The following GRM3 variants were observed in gnomAD, a reference collection of about 807,000 sequenced individuals.
GRM3 encodes the protein metabotropic glutamate receptor 3.
GRM3 carries 26 observed loss-of-function variants against 70.5 expected under a neutral mutation model. That is an observed-to-expected ratio of 0.37 (90% CI 0.27 to 0.51). GRM3 has a LOEUF of 0.51. Among genes scored for constraint, GRM3 ranks in the 20% least tolerant of loss-of-function variants. The probability of loss-of-function intolerance (pLI) is 0.93; values close to 1 mark genes in which losing one functional copy is unlikely to be tolerated. For missense variants in GRM3, 859 were observed against 1,123.8 expected, an observed-to-expected ratio of 0.76 and a Z score of 3.37; for synonymous variants, 443 against 434.9, an observed-to-expected ratio of 1.02 and a Z score of -0.23.
chr7:86,771,105 T>C (rs1267197159), intron 2 of GRM3, among the ~76,000 whole-genome samples: 16 of 152,044 alleles, frequency 1.1e-4, no homozygotes, highest in Admixed American at 9.8e-4. Flanking sequence ...AAAAAGGAAA[T>C]AGCCTGGAAG....
intron 3 of GRM3, among the ~76,000 whole-genome samples, chr7:86,824,667 G>A (rs750641749): frequency 6.6e-6 from 1 of 152,182 alleles, no homozygotes. Context: ...ATTCTCACAT[G>A]TACTACTAAC....
intron 1 of GRM3, among the ~76,000 whole-genome samples, chr7:86,753,027 T>C (rs535133693): frequency 6.6e-6 from 1 of 152,148 alleles, no homozygotes; most frequent in African/African-American, 2.4e-5. Context: ...CCATAAACAC[T>C]AAACAATTCA....
chr7:86,678,205 G>A (rs980134450), intron 1 of GRM3, among the ~76,000 whole-genome samples: 1 of 151,776 alleles, frequency 6.6e-6, no homozygotes, highest in Non-Finnish European at 1.5e-5. Context: ...CTGATATCTG[G>A]TTTTCAAATT....
chr7:86,768,556 A>G (rs1796661629), intron 2 of GRM3, among the ~76,000 whole-genome samples: 1 of 152,218 alleles, frequency 6.6e-6, no homozygotes, highest in African/African-American at 2.4e-5. Flanking sequence ...AAAGTAAGAA[A>G]TGACCTTTAG....
Position 86,828,661 on chromosome 7 carries a change from C to T in GRM3, c.1325-10178C>T, listed in dbSNP as rs148549289. Among the ~76,000 whole-genome samples the T allele has an allele frequency of 2.3e-3, 352 of 152,280 alleles. 3 individuals carry two copies. The highest frequency in any genetic ancestry group is 7.7e-3 in the African/African-American group (322 of 41,556). On this transcript the variant is annotated intron_variant, in intron 3 of 5. Transcript: ENST00000361669. ...CCTTTAGCAAGCCATACTCTTTTTG[C>T]TGATTGACGGTCTTGCCTCAGTGTT...
chr7:86,666,856 T>C (rs1264948933), intron 1 of GRM3, among the ~76,000 whole-genome samples: 1 of 152,146 alleles, frequency 6.6e-6, no homozygotes, highest in African/African-American at 2.4e-5. Flanking sequence ...TATGGATACC[T>C]GTTCCTGGCA....
At chr7:86,688,220 GA>G (rs541652994) in intron 1 of GRM3, among the ~76,000 whole-genome samples, 10 of 151,144 alleles carry the variant, frequency 6.6e-5, no homozygotes, top group South Asian at 4.2e-4. Context: ...TGTCAGACTT[GA>G]AAAAAAATGC....
At chr7:86,784,203 A>C (rs1284680321) in intron 2 of GRM3, 2 of 150,568 alleles carry the variant, frequency 1.3e-5, no homozygotes, top group African/African-American at 5.0e-5. Context: ...TCATTGAAAA[A>C]CAAGAACTTT....
chr7:86,839,289 G>A lies in GRM3; in HGVS notation c.1775G>A (p.Cys592Tyr), dbSNP rs2116736435. Residue 592 changes from cysteine to tyrosine, a missense_variant, in exon 4 of 6, where the codon TGC (cysteine) becomes TAC (tyrosine). Cys to Tyr is a radical substitution (Grantham distance 194, BLOSUM62 -2). Transcript: ENST00000361669. This position sits in a 1 kb window ranked among gnomAD's most constrained non-coding sequence, Gnocchi z 4.5. Reference protein sequence around the residue: ...TIACLGFMCTCMVVTVFIKHN... With the variant: ...TIACLGFMCTYMVVTVFIKHN... ...GCCTGTCTGGGTTTTATGTGTACAT[G>A]CATGGTTGTAACTGTTTTTATCAAG... 3 of 1,613,560 alleles carry A rather than the reference G, an allele frequency of 1.9e-6. No individual in the cohort carries two copies. The highest frequency in any genetic ancestry group is 2.2e-5 in the South Asian group (2 of 91,068).
chr7:86,816,812 C>T (rs1798025793), intron 3 of GRM3, among the ~76,000 whole-genome samples: 1 of 151,830 alleles, frequency 6.6e-6, no homozygotes, highest in African/African-American at 2.4e-5. Flanking sequence ...CAAGAATTTA[C>T]AGCCTAATAA....
intron 2 of GRM3, among the ~76,000 whole-genome samples, chr7:86,768,969 C>G (rs1468510250): frequency 1.3e-5 from 2 of 152,120 alleles, no homozygotes; most frequent in Non-Finnish European, 2.9e-5. Flanking sequence ...TGTGTTATTC[C>G]TTTGAAACAT....
intron 2 of GRM3, among the ~76,000 whole-genome samples, chr7:86,765,966 C>G (rs538896313): frequency 6.6e-5 from 10 of 152,200 alleles, no homozygotes; most frequent in Admixed American, 5.9e-4. Context: ...TGTCTCTTAT[C>G]CTCCTCCTGG....
chr7:86,668,484 C>G (rs866391479), intron 1 of GRM3, among the ~76,000 whole-genome samples: 13 of 152,042 alleles, frequency 8.6e-5, no homozygotes, highest in Admixed American at 7.9e-4. Context: ...ACCCTTTGAT[C>G]GTGTTGTTTG....
At chr7:86,827,141 C>T (rs1443162251) in intron 3 of GRM3, among the ~76,000 whole-genome samples, 1 of 152,090 alleles carries the variant, frequency 6.6e-6, no homozygotes, top group Non-Finnish European at 1.5e-5. Context: ...GTCAAACGCA[C>T]AATACACTAT....
In GRM3 at chr7:86,766,872, G is replaced by A. The variant is rs116433149; in HGVS notation, c.468+1259G>A. Among the ~76,000 whole-genome samples the A allele has an allele frequency of 5.1e-3, 770 of 152,142 alleles. 4 individuals carry two copies. The highest frequency in any genetic ancestry group is 0.016 in the African/African-American group (650 of 41,506). ...AACCACTTAAATTGGCTATATTTGC[G>A]TTGGAATAACCTTCTTTCTCTATCT... On this transcript the variant is annotated intron_variant, in intron 2 of 5. Transcript: ENST00000361669.
intron 1 of GRM3, among the ~76,000 whole-genome samples, chr7:86,722,750 T>TAA (rs111718336): frequency 0.017 from 2,559 of 151,826 alleles, 67 homozygotes; most frequent in African/African-American, 0.058. Flanking sequence ...TAAAATATGA[T>TAA]AAAAAAAATC....
At chr7:86,749,950 A>G (rs923917154) in intron 1 of GRM3, among the ~76,000 whole-genome samples, 8 of 152,036 alleles carry the variant, frequency 5.3e-5, no homozygotes, top group African/African-American at 1.9e-4. Flanking sequence ...AGTAGCACTT[A>G]AGTTTGCCCC....
rs368589799 is a variant in GRM3 at position 86,719,883 on chromosome 7, C to A, written c.-140-45123C>A. 2.7e-4 allele frequency among the ~76,000 whole-genome samples: 41 copies of A among 152,006 alleles called. No homozygotes were observed. The South Asian group carries it at 8.1e-3, about 30-fold the overall frequency. ...CCAATGACACTAGCATGACTGAGGT[C>A]CTGATGTGTGAGGAAGGATGGCTTG... On this transcript the variant is annotated intron_variant, in intron 1 of 5. Coordinates refer to ENST00000361669, the MANE Select transcript of GRM3 (RefSeq NM_000840.3).
At chr7:86,670,320 T>C (rs1794139285) in intron 1 of GRM3, among the ~76,000 whole-genome samples, 1 of 152,228 alleles carries the variant, frequency 6.6e-6, no homozygotes, top group African/African-American at 2.4e-5. Flanking sequence ...TTCCTACTCA[T>C]GTGGCTCCAT....
Sources: allele counts gnomAD v4.1 joint callset (sites outside exome capture counted in the v4.1 genomes callset), GRCh38; gene constraint gnomAD v4.1.1; non-coding constraint Gnocchi (gnomAD v3.1); transcripts MANE v1.5; gene names NCBI Gene and HGNC (gene_info 2026-07-23, HGNC 2026-07-21).